The following TMEM161B variants were observed in gnomAD, a reference collection of about 807,000 sequenced individuals.
The protein encoded by TMEM161B is transmembrane protein 161B.
TMEM161B carries 34 observed loss-of-function variants against 61.8 expected under a neutral mutation model. That is an observed-to-expected ratio of 0.55 (90% confidence interval 0.42 to 0.73). The LOEUF is 0.73. Ranked by LOEUF, TMEM161B falls within the 30% of genes least tolerant of loss-of-function variation. The probability of loss-of-function intolerance (pLI) is 0.00; values close to 1 mark genes in which losing one functional copy is unlikely to be tolerated. For synonymous variants in TMEM161B, 167 were observed against 192.8 expected, an observed-to-expected ratio of 0.87 and a Z score of 1.11; for missense variants, 456 against 558.5, an observed-to-expected ratio of 0.82 and a Z score of 1.85.
chr5:88,206,837 TA>T (rs1745602418), intron 6 of TMEM161B, among the ~76,000 whole-genome samples, 191 bp downstream of exon 6: 1 of 152,030 alleles, frequency 6.6e-6, no homozygotes, highest in African/African-American at 2.4e-5. Context: ...AAACATTAAT[TA>T]AAAACTTAGC....
chr5:88,233,726 T>C (rs1183398173), intron 2 of TMEM161B, among the ~76,000 whole-genome samples: 1 of 152,106 alleles, frequency 6.6e-6, no homozygotes, highest in Non-Finnish European at 1.5e-5. Flanking sequence ...ACATTTCTGA[T>C]TTGAAGATGA....
At chr5:88,227,669 G>A (rs1056026828) in intron 3 of TMEM161B, among the ~76,000 whole-genome samples, 1 of 152,004 alleles carries the variant, frequency 6.6e-6, no homozygotes, top group Non-Finnish European at 1.5e-5. Context: ...AAATGTATTA[G>A]GCTAGGTTAG....
At chr5:88,194,347 G>A (rs1260815839), downstream of TMEM161B, among the ~76,000 whole-genome samples, 1 of 152,128 alleles carries the variant, frequency 6.6e-6, no homozygotes, top group African/African-American at 2.4e-5. Context: ...ACGGCTGCAT[G>A]GTATTCTATG....
intron 11 of TMEM161B, among the ~76,000 whole-genome samples, 155 bp downstream of exon 11, chr5:88,197,514 T>C (rs1204367398): frequency 1.3e-5 from 2 of 152,122 alleles, no homozygotes; most frequent in East Asian, 1.9e-4. Flanking sequence ...AGATGATAAA[T>C]CACCTTCCAC....
At chr5:88,249,062 A>G (rs911360766) in intron 1 of TMEM161B, among the ~76,000 whole-genome samples, 1 of 152,104 alleles carries the variant, frequency 6.6e-6, no homozygotes, top group Admixed American at 6.6e-5. Flanking sequence ...TGCCACGCAA[A>G]CTGGGTACAA....
At chr5:88,191,673 G>C (rs1748870992), downstream of TMEM161B, among the ~76,000 whole-genome samples, 1 of 151,846 alleles carries the variant, frequency 6.6e-6, no homozygotes, top group South Asian at 2.1e-4. Flanking sequence ...GAAATACATA[G>C]CCGGCCAGGC....
At chr5:88,260,830 C>T (rs1328661748) in intron 1 of TMEM161B, among the ~76,000 whole-genome samples, 5 of 152,056 alleles carry the variant, frequency 3.3e-5, no homozygotes, top group African/African-American at 1.2e-4. Flanking sequence ...TACTGAGATC[C>T]CAAGTCTCAA....
intron 9 of TMEM161B, chr5:88,200,799 T>C (rs1316695640): frequency 6.6e-6 from 1 of 152,082 alleles, no homozygotes; most frequent in Non-Finnish European, 1.5e-5. Flanking sequence ...TCTTAGGAGA[T>C]TATGAGCACA....
chr5:88,250,516 G>A (rs1458876085), intron 1 of TMEM161B: 1 of 152,218 alleles, frequency 6.6e-6, no homozygotes, highest in Non-Finnish European at 1.5e-5. Flanking sequence ...ACAAGCCCCT[G>A]TTCTCCATCT....
downstream of TMEM161B, among the ~76,000 whole-genome samples, chr5:88,189,434 G>A (rs919051698): frequency 1.9e-4 from 29 of 152,246 alleles, no homozygotes; most frequent in Non-Finnish European, 3.4e-4. Context: ...TAGGTTTCAG[G>A]TGCTGCAGGT....
Position 88,239,458 on chromosome 5 carries a change from G to A in TMEM161B, c.107+1355C>T, listed in dbSNP as rs117980348. 2.0e-3 allele frequency among the ~76,000 whole-genome samples: 302 copies of A among 151,910 alleles called. 6 individuals are homozygous for A. The highest frequency in any genetic ancestry group is 0.012 in the Admixed American group (188 of 15,228). On this transcript the variant is annotated intron_variant, in intron 2 of 11. Coordinates refer to ENST00000296595, the MANE Select transcript of TMEM161B (RefSeq NM_153354.5). ...TCATGTTCATCTTTTCCTGATCTTCGAAAATGGTTTTGCTAAGCTAAATCA... is the reference window on the plus strand; with the variant it reads ...TCATGTTCATCTTTTCCTGATCTTCAAAAATGGTTTTGCTAAGCTAAATCA...
Position 88,224,977 on chromosome 5 carries a change from T to G in TMEM161B, c.289+792A>C, listed in dbSNP as rs528301275. ...AAAATATGTTTTTGTTTTTTTTTTT[T>G]TTTTTTTTGAGACGGAGTCTCGCTC... is the stretch of plus-strand genomic sequence containing the variant. On this transcript the variant is annotated intron_variant, in intron 4 of 11. Coordinates refer to ENST00000296595, the MANE Select transcript of TMEM161B (RefSeq NM_153354.5). 2.1e-4 allele frequency among the ~76,000 whole-genome samples: 31 copies of G among 144,300 alleles called. 1 individual carries two copies. In the East Asian group the frequency reaches 5.6e-3, roughly 26 times the overall value. The allele number at this position is 144,300 out of a possible 152,430, so 94.7% of individuals were successfully genotyped here.
At chr5:88,203,750 CATATATATATATATATATATATATATAT>C (rs35091076) in intron 8 of TMEM161B, among the ~76,000 whole-genome samples, 1,165 of 93,742 alleles carry the variant, frequency 0.012, 26 homozygotes, top group African/African-American at 0.025. Flanking sequence ...ATTTCCCTAT[CATATATATATATATATATATATATATAT>C]ATATATATAT....
At position 88,203,042 on chromosome 5, in the gene TMEM161B, T is replaced by C; in HGVS notation, c.834A>G (p.Leu278=). The C allele has an allele frequency of 6.2e-7, 1 of 1,609,502 alleles. No individual in the cohort carries two copies. Among genetic ancestry groups the C allele is most frequent in the Non-Finnish European group, 8.5e-7 (1 of 1,176,376 alleles). Residue 278 remains leucine (L), a synonymous_variant, in exon 9 of 12, where the codon TTA becomes TTG. Coordinates refer to ENST00000296595, the MANE Select transcript of TMEM161B (RefSeq NM_153354.5). ...TLLHINFLAP[L]FMVLLWVKPI... is the part of the protein sequence containing the mutation. The stretch of plus-strand genomic sequence containing the variant: ...GTTTTACCCAGAGCAGAACCATAAA[T>C]AAAGGTGCCAAGAAGTTGATATGAA...
chr5:88,241,531 C>T (rs887228332), intron 1 of TMEM161B, among the ~76,000 whole-genome samples: 1 of 151,964 alleles, frequency 6.6e-6, no homozygotes, highest in African/African-American at 2.4e-5. Flanking sequence ...AAAACATTAG[C>T]TTGACAAGCT....
intron 1 of TMEM161B, among the ~76,000 whole-genome samples, chr5:88,262,020 G>C (rs1755758377): frequency 6.6e-6 from 1 of 152,064 alleles, no homozygotes; most frequent in Non-Finnish European, 1.5e-5. Flanking sequence ...ATCTGCAAAA[G>C]ACATATCTGA....
At chr5:88,240,988 G>A (rs1752641222) in intron 1 of TMEM161B, 72 bp from the exon 2 acceptor site, 1 of 1,039,432 alleles carries the variant, frequency 9.6e-7, no homozygotes, top group Admixed American at 2.6e-5. Flanking sequence ...AAAACTTTCT[G>A]TACATTTTGA....
chr5:88,187,048 G>C (rs562487752), downstream of TMEM161B, among the ~76,000 whole-genome samples: 1 of 152,320 alleles, frequency 6.6e-6, no homozygotes, highest in East Asian at 1.9e-4. Context: ...TAAAGTATGA[G>C]GTGGGGATTG....
intron 4 of TMEM161B, among the ~76,000 whole-genome samples, chr5:88,225,209 CG>C (rs1749833604): frequency 6.6e-6 from 1 of 152,016 alleles, no homozygotes; most frequent in Non-Finnish European, 1.5e-5. Context: ...CCTCATGATC[CG>C]CCCGCCTTGG....
Sources: gnomAD v4.1 joint callset for allele counts (sites outside exome capture counted in the v4.1 genomes callset) on GRCh38, gnomAD v4.1.1 for gene constraint, MANE v1.5 for transcripts, NCBI Gene and HGNC (gene_info 2026-07-23, HGNC 2026-07-21) for gene names.